COMMD1: variants seen among roughly 807,000 people sequenced by gnomAD.
COMMD1 encodes COMM domain-containing protein 1.
COMMD1 carries 10 observed loss-of-function variants against 17.2 expected under a neutral mutation model. That is an observed-to-expected ratio of 0.58 (90% CI 0.36 to 0.99). The LOEUF (loss-of-function observed/expected upper bound fraction) is 0.99, where lower values mean the gene tolerates loss of function less well. Among genes scored for constraint, COMMD1 ranks in the 50% least tolerant of loss-of-function variants. The pLI is 0.01. For missense variants in COMMD1, 270 were observed against 231.8 expected (o/e 1.17, Z -1.07); for synonymous variants, 97 against 91.6 (o/e 1.06, Z -0.34).
Position 62,075,709 on chromosome 2 carries a change from C to T in COMMD1, c.463-60122C>T, listed in dbSNP as rs770340136. Among the ~76,000 whole-genome samples the T allele has an allele frequency of 3.3e-5, 5 of 152,330 alleles. No individual in the cohort carries two copies. The East Asian group carries it at 5.8e-4, about 18-fold the overall frequency. On this transcript the variant is annotated intron_variant, in intron 2 of 2. Coordinates refer to ENST00000311832, the MANE Select transcript of COMMD1 (RefSeq NM_152516.4). ...GGCCCTAGACCTCTGGCTCCCACCC[C>T]GTTCTGAGAGCTACAACTCACAATT...
At chr2:61,927,684 C>A (rs1558524440) in intron 1 of COMMD1, among the ~76,000 whole-genome samples, 1 of 151,934 alleles carries the variant, frequency 6.6e-6, no homozygotes, top group African/African-American at 2.4e-5. Flanking sequence ...AGGCGTGAGC[C>A]ACCGCGCCTG....
intron 1 of COMMD1, among the ~76,000 whole-genome samples, chr2:61,935,399 CG>C (rs1201449178): frequency 6.6e-6 from 1 of 152,072 alleles, no homozygotes; most frequent in African/African-American, 2.4e-5. Flanking sequence ...GAGGCTGAGG[CG>C]GGTGGATCAC....
chr2:62,122,936 G>A (rs1463018806), intron 2 of COMMD1, among the ~76,000 whole-genome samples: 4 of 152,222 alleles, frequency 2.6e-5, no homozygotes, highest in African/African-American at 4.8e-5. Context: ...AACCACAGCA[G>A]TAGGAGGGTA....
intron 2 of COMMD1, among the ~76,000 whole-genome samples, chr2:62,012,571 G>T (rs1466145192): frequency 6.6e-6 from 1 of 151,924 alleles, no homozygotes; most frequent in Non-Finnish European, 1.5e-5. Context: ...ACCCGCCTGG[G>T]CCTCCCAAAG....
chr2:61,958,140 G>A (rs1475810717), intron 1 of COMMD1, among the ~76,000 whole-genome samples: 1 of 152,052 alleles, frequency 6.6e-6, no homozygotes. Context: ...ATTAAGCCTA[G>A]TACCTTTTAG....
At chr2:62,020,872 G>T (rs755473605) in intron 2 of COMMD1, among the ~76,000 whole-genome samples, 5 of 152,044 alleles carry the variant, frequency 3.3e-5, no homozygotes, top group Non-Finnish European at 7.4e-5. Context: ...GCGTCATGGC[G>T]CATGCCTGTA....
At chr2:62,118,606 A>T (rs913989201) in intron 2 of COMMD1, among the ~76,000 whole-genome samples, 3 of 152,208 alleles carry the variant, frequency 2.0e-5, no homozygotes, top group Admixed American at 2.0e-4. Context: ...GGGATATAGC[A>T]TGGCAGGCAA....
chr2:61,955,952 G>T (rs1287249639), intron 1 of COMMD1, among the ~76,000 whole-genome samples: 3 of 152,222 alleles, frequency 2.0e-5, no homozygotes, highest in African/African-American at 7.2e-5. Flanking sequence ...CTCCCAAAGT[G>T]CTGGGATCAC....
chr2:61,982,992 T>C (rs904652323), intron 1 of COMMD1, among the ~76,000 whole-genome samples: 6 of 152,138 alleles, frequency 3.9e-5, no homozygotes, highest in Non-Finnish European at 7.4e-5. Flanking sequence ...TTTTAAAAAT[T>C]TTTAATGTAT....
chr2:62,044,899 A>G (rs1670337880), intron 2 of COMMD1, among the ~76,000 whole-genome samples: 1 of 152,068 alleles, frequency 6.6e-6, no homozygotes, highest in African/African-American at 2.4e-5. Context: ...AGCTTCTATC[A>G]TCATAGTTTT....
intron 2 of COMMD1, among the ~76,000 whole-genome samples, chr2:62,134,360 A>G (rs1558613511): frequency 6.6e-6 from 1 of 152,182 alleles, no homozygotes; most frequent in Non-Finnish European, 1.5e-5. Context: ...GCTTAATTTA[A>G]TTATCTAGAA....
At chr2:62,008,474 A>G (rs2103823736) in intron 2 of COMMD1, among the ~76,000 whole-genome samples, 1 of 152,292 alleles carries the variant, frequency 6.6e-6, no homozygotes, top group Non-Finnish European at 1.5e-5. Context: ...ATAAAATGCC[A>G]TTTTATTTTA....
chr2:62,095,314 A>C (rs1671969866), intron 2 of COMMD1, among the ~76,000 whole-genome samples: 1 of 152,156 alleles, frequency 6.6e-6, no homozygotes, highest in Non-Finnish European at 1.5e-5. Context: ...GACATTAAAC[A>C]CTCCACAAAC....
rs568736900 is a variant in COMMD1 at position 61,947,463 on chromosome 2, G to A, written c.180+41605G>A. 4.6e-5 allele frequency among the ~76,000 whole-genome samples: 7 copies of A among 152,060 alleles called. No homozygotes were observed. The East Asian group carries it at 9.7e-4, about 21-fold the overall frequency. ...TTTGGGAGGCTGAGGTGGGCGGATC[G>A]CCTGATGGTCAGGAGTTTGAGACCA... is the stretch of plus-strand genomic sequence containing the variant. On this transcript the variant is annotated intron_variant, in intron 1 of 2. Transcript: ENST00000311832.
At chr2:61,971,032 C>T (rs763453776) in intron 1 of COMMD1, among the ~76,000 whole-genome samples, 2 of 152,158 alleles carry the variant, frequency 1.3e-5, no homozygotes, top group African/African-American at 2.4e-5. Flanking sequence ...CCTCAGCCTC[C>T]GGAGTAGCTG....
At chr2:61,984,705 T>A (rs1672055949) in intron 1 of COMMD1, among the ~76,000 whole-genome samples, 1 of 152,200 alleles carries the variant, frequency 6.6e-6, no homozygotes, top group African/African-American at 2.4e-5. Context: ...GTTAAATGTT[T>A]CTTTGTTGAA....
At chr2:61,970,693 A>G (rs796338069) in intron 1 of COMMD1, among the ~76,000 whole-genome samples, 4 of 152,350 alleles carry the variant, frequency 2.6e-5, no homozygotes, top group African/African-American at 9.6e-5. Context: ...TAGAAATACC[A>G]TGATAAAGAA....
At chr2:61,973,959 C>G (rs1295946005) in intron 1 of COMMD1, among the ~76,000 whole-genome samples, 1 of 152,206 alleles carries the variant, frequency 6.6e-6, no homozygotes, top group African/African-American at 2.4e-5. Flanking sequence ...AAGTACTCTT[C>G]TGATTTCTGT....
intron 1 of COMMD1, among the ~76,000 whole-genome samples, chr2:61,890,446 C>T (rs904523518): frequency 2.6e-5 from 4 of 152,008 alleles, no homozygotes; most frequent in Non-Finnish European, 5.9e-5. Context: ...TTCGAACTCC[C>T]GAGCTCAGGT....
Sources: allele counts gnomAD v4.1 joint callset (sites outside exome capture counted in the v4.1 genomes callset), GRCh38; gene constraint gnomAD v4.1.1; transcripts MANE v1.5; gene names NCBI Gene and HGNC (gene_info 2026-07-23, HGNC 2026-07-21).